The following ANKRD44 variants were observed in gnomAD, a reference collection of about 807,000 sequenced individuals.
The protein encoded by ANKRD44 is serine/threonine-protein phosphatase 6 regulatory ankyrin repeat subunit B.
Under a neutral mutation model 116.0 loss-of-function variants are expected in ANKRD44, and 35 were observed. That is an observed-to-expected ratio of 0.30 (90% CI 0.23 to 0.40). ANKRD44 has a LOEUF of 0.40. Ranked by LOEUF, ANKRD44 falls within the 10% of genes least tolerant of loss-of-function variation. The pLI, the probability that ANKRD44 is intolerant of heterozygous loss-of-function variation, is 1.00. For synonymous variants in ANKRD44, 435 were observed against 461.8 expected (o/e 0.94, Z 0.74); for missense variants, 1,014 against 1,242.6 (o/e 0.82, Z 2.77).
At chr2:197,052,379 T>C (rs923016197) in intron 16 of ANKRD44, among the ~76,000 whole-genome samples, 1 of 152,146 alleles carries the variant, frequency 6.6e-6, no homozygotes, top group Non-Finnish European at 1.5e-5. Flanking sequence ...GTGCAATAAA[T>C]ACCTTCCGTG....
intron 1 of ANKRD44, among the ~76,000 whole-genome samples, chr2:197,202,156 C>T (rs1023164643): frequency 1.3e-5 from 2 of 152,160 alleles, no homozygotes; most frequent in African/African-American, 4.8e-5. Flanking sequence ...GTACATTTGG[C>T]ACTGTGCAGC....
At chr2:197,030,817 G>A (rs1252578171) in intron 16 of ANKRD44, among the ~76,000 whole-genome samples, 1 of 152,006 alleles carries the variant, frequency 6.6e-6, no homozygotes, top group African/African-American at 2.4e-5. Flanking sequence ...TGCTTTTGTT[G>A]TTGGTGGTGG....
intron 7 of ANKRD44, among the ~76,000 whole-genome samples, chr2:197,122,382 GAAC>G (rs759703677): frequency 2.0e-4 from 30 of 152,222 alleles, no homozygotes; most frequent in Non-Finnish European, 3.7e-4. Context: ...CAGTCTTTAA[GAAC>G]AACTGGTTAA....
intron 2 of ANKRD44, among the ~76,000 whole-genome samples, chr2:197,153,507 G>A (rs1198419509): frequency 6.6e-6 from 1 of 152,064 alleles, no homozygotes; most frequent in Non-Finnish European, 1.5e-5. Context: ...GGAGCCAAAC[G>A]ACACAAAATG....
intron 27 of ANKRD44, chr2:196,990,663 GCTT>G: frequency 3.2e-6 from 4 of 1,232,120 alleles, no homozygotes; most frequent in Non-Finnish European, 4.0e-6. Context: ...TCAAAGAAAA[GCTT>G]CTACAGTCCA....
At chr2:197,119,239 C>T (rs377358213) in intron 8 of ANKRD44, among the ~76,000 whole-genome samples, 5 of 151,330 alleles carry the variant, frequency 3.3e-5, no homozygotes, top group Non-Finnish European at 5.9e-5. Flanking sequence ...GTTCTGTGAC[C>T]GGATTACTGT....
rs185452019 is a variant in ANKRD44 at position 197,145,888 on chromosome 2, T to G, written c.190+1139A>C. Among the ~76,000 whole-genome samples the G allele has an allele frequency of 5.4e-3, 823 of 152,294 alleles. 1 individual carries two copies. Among genetic ancestry groups the G allele is most frequent in the Non-Finnish European group, 9.4e-3 (639 of 68,030 alleles). The stretch of plus-strand genomic sequence containing the variant: ...GGCCTTTTGACTAGTCTGTAGGCAG[T>G]GGCACTTCCTCTAGATGTTAATCTC... On this transcript the variant is annotated intron_variant, in intron 3 of 27. Coordinates refer to ENST00000282272, the MANE Select transcript of ANKRD44 (RefSeq NM_001195144.2).
chr2:197,292,689 T>C (rs980124422), intron 1 of ANKRD44, among the ~76,000 whole-genome samples: 1 of 152,170 alleles, frequency 6.6e-6, no homozygotes, highest in Non-Finnish European at 1.5e-5. Flanking sequence ...TAAAAAATGT[T>C]GCCATGAGCT....
At chr2:197,156,574 C>CAT (rs2079821024) in intron 2 of ANKRD44, among the ~76,000 whole-genome samples, 1 of 152,132 alleles carries the variant, frequency 6.6e-6, no homozygotes, top group South Asian at 2.1e-4. Flanking sequence ...ATACAACTAC[C>CAT]ATATAAGCTA....
chr2:197,290,510 G>A (rs1204503979), intron 1 of ANKRD44, among the ~76,000 whole-genome samples: 1 of 152,164 alleles, frequency 6.6e-6, no homozygotes, highest in East Asian at 1.9e-4. Flanking sequence ...GAGATTCGAA[G>A]TCAGAACTTT....
At chr2:197,025,084 T>A in intron 17 of ANKRD44, 112 bp downstream of exon 17, 1 of 1,068,106 alleles carries the variant, frequency 9.4e-7, no homozygotes, top group Admixed American at 1.8e-5. Flanking sequence ...CGGACTACTT[T>A]CACTACCACT....
intron 1 of ANKRD44, among the ~76,000 whole-genome samples, chr2:197,269,508 G>A (rs1274957609): frequency 6.6e-6 from 1 of 152,152 alleles, no homozygotes; most frequent in South Asian, 2.1e-4. Flanking sequence ...ATGAAGAAGC[G>A]CATGCTGGAG....
Position 197,118,516 on chromosome 2 carries a change from G to C in ANKRD44, c.906+2816C>G, listed in dbSNP as rs146967944. Among the ~76,000 whole-genome samples, 942 of 152,108 alleles carry C rather than the reference G, an allele frequency of 6.2e-3. 9 individuals are homozygous for C. Among genetic ancestry groups the C allele is most frequent in the African/African-American group, 0.022 (910 of 41,454 alleles). On this transcript the variant is annotated intron_variant, in intron 8 of 27. Coordinates refer to ENST00000282272, the MANE Select transcript of ANKRD44 (RefSeq NM_001195144.2). The stretch of plus-strand genomic sequence containing the variant: ...GAGGCAGGAGAATCACTTGAACTCA[G>C]GAGGCAGAAGTTGCAGTGAGCCAAG...
chr2:197,296,983 C>T (rs2083742955), intron 1 of ANKRD44, among the ~76,000 whole-genome samples: 1 of 152,090 alleles, frequency 6.6e-6, no homozygotes, highest in Non-Finnish European at 1.5e-5. Flanking sequence ...ACTCTATCAA[C>T]TTTTGTTTTT....
At chr2:197,097,715 T>C (rs534693698) in intron 10 of ANKRD44, among the ~76,000 whole-genome samples, 1 of 152,354 alleles carries the variant, frequency 6.6e-6, no homozygotes, top group East Asian at 1.9e-4. Context: ...CTCCAGTACG[T>C]CTGGACCGCC....
intron 1 of ANKRD44, among the ~76,000 whole-genome samples, chr2:197,216,664 A>C (rs1292204402): frequency 1.3e-5 from 2 of 152,046 alleles, no homozygotes; most frequent in Admixed American, 1.3e-4. Flanking sequence ...ATCATTTCTC[A>C]CTTCCCCTTC....
Position 197,125,843 on chromosome 2 carries a change from G to A in ANKRD44, c.456C>T (p.His152=), listed in dbSNP as rs762208575. The A allele has an allele frequency of 8.1e-6, 13 of 1,613,872 alleles. No homozygotes were observed. The highest frequency in any genetic ancestry group is 1.1e-5 in the South Asian group (1 of 91,062). Residue 152 remains histidine, a synonymous_variant, in exon 5 of 28, where the codon CAC becomes CAT. Transcript: ENST00000282272. ...GAATGATAAAAATACCCACCTCCAC[G>A]TGGCCGTTCAGAGCCGCATGGTGCA... The part of the protein sequence containing the change: ...TALHHAALNG[H]VEMVNLLLAK...
intron 1 of ANKRD44, among the ~76,000 whole-genome samples, chr2:197,271,979 A>G (rs554961361): frequency 1.3e-4 from 20 of 152,290 alleles, no homozygotes; most frequent in African/African-American, 4.6e-4. Flanking sequence ...TTGAAATTAT[A>G]TCGCCAAAGT....
At chr2:197,007,642 C>A (rs891143736) in intron 20 of ANKRD44, among the ~76,000 whole-genome samples, 164 bp downstream of exon 20, 1 of 152,072 alleles carries the variant, frequency 6.6e-6, no homozygotes, top group African/African-American at 2.4e-5. Flanking sequence ...TTTGTAATTT[C>A]TTTTGGACTG....
Sources: allele counts gnomAD v4.1 joint callset (sites outside exome capture counted in the v4.1 genomes callset), GRCh38; gene constraint gnomAD v4.1.1; transcripts MANE v1.5; gene names NCBI Gene and HGNC (gene_info 2026-07-23, HGNC 2026-07-21).